Variants in AUTS2 observed in about 807,000 individuals in gnomAD.
The protein encoded by AUTS2 is activator of transcription and developmental regulator AUTS2, also known as autism susceptibility gene 2 protein.
A neutral mutation model predicts 112.4 loss-of-function variants in AUTS2; 17 were observed. That is an observed-to-expected ratio of 0.15 (90% CI 0.10 to 0.23). The LOEUF (loss-of-function observed/expected upper bound fraction) is 0.23, where lower values mean the gene tolerates loss of function less well. Among genes scored for constraint, AUTS2 ranks in the 10% least tolerant of loss-of-function variants. The probability of loss-of-function intolerance (pLI) is 1.00; values close to 1 mark genes in which losing one functional copy is unlikely to be tolerated. For missense variants in AUTS2, 1,510 were observed against 1,701.6 expected, an observed-to-expected ratio of 0.89 and a Z score of 1.98; for synonymous variants, 751 against 702.7, an observed-to-expected ratio of 1.07 and a Z score of -1.09.
At chr7:70,571,505 A>G (rs1787999049) in intron 5 of AUTS2, among the ~76,000 whole-genome samples, 1 of 152,148 alleles carries the variant, frequency 6.6e-6, no homozygotes, top group Non-Finnish European at 1.5e-5. Context: ...TTGATGGGAG[A>G]GAAGGCTGGG....
intron 2 of AUTS2, among the ~76,000 whole-genome samples, chr7:69,908,343 T>A (rs1365633814): frequency 6.6e-6 from 1 of 152,200 alleles, no homozygotes; most frequent in Non-Finnish European, 1.5e-5. Context: ...GTCTTGGTAT[T>A]CTAAATGAAC....
rs75631832 is a variant in AUTS2 at position 70,748,217 on chromosome 7, G to A, written c.743-14653G>A. Among the ~76,000 whole-genome samples, 418 of 152,156 alleles carry A rather than the reference G, an allele frequency of 2.7e-3. 1 individual carries two copies. The highest frequency in any genetic ancestry group is 4.8e-3 in the Non-Finnish European group (329 of 68,006). On this transcript the variant is annotated intron_variant, in intron 6 of 18. Coordinates refer to ENST00000342771, the MANE Select transcript of AUTS2 (RefSeq NM_015570.4). ...GTAGCTTCAAAGTTTATATTTGAAC[G>A]TTTTTCCTTTATTGATGACAAATTA...
intron 6 of AUTS2, among the ~76,000 whole-genome samples, chr7:70,732,392 G>C (rs898809144): frequency 3.3e-5 from 5 of 152,070 alleles, no homozygotes; most frequent in Admixed American, 6.6e-5. Flanking sequence ...AAGGAGATAG[G>C]GATGGACCAG....
intron 1 of AUTS2, among the ~76,000 whole-genome samples, chr7:69,880,469 A>G (rs1377038168): frequency 6.6e-6 from 1 of 152,136 alleles, no homozygotes; most frequent in Non-Finnish European, 1.5e-5. Context: ...AGTGAACACC[A>G]CCATCCTCCT....
At chr7:70,698,285 A>G (rs1291938165) in intron 5 of AUTS2, among the ~76,000 whole-genome samples, 1 of 152,220 alleles carries the variant, frequency 6.6e-6, no homozygotes, top group Non-Finnish European at 1.5e-5. Flanking sequence ...AATGAGCTGA[A>G]TTGCTTTGTG....
chr7:70,565,199 G>T (rs1801658360), intron 5 of AUTS2, among the ~76,000 whole-genome samples: 1 of 152,182 alleles, frequency 6.6e-6, no homozygotes, highest in Non-Finnish European at 1.5e-5. Context: ...TAAGATACAT[G>T]TGCATAAAAT....
intron 5 of AUTS2, among the ~76,000 whole-genome samples, chr7:70,646,251 G>A (rs1806152684): frequency 1.3e-5 from 2 of 152,188 alleles, no homozygotes; most frequent in African/African-American, 4.8e-5. Flanking sequence ...ACTTCCCAGG[G>A]AAAGATTGCA....
At chr7:70,006,959 G>A (rs995299293) in intron 2 of AUTS2, among the ~76,000 whole-genome samples, 1 of 152,102 alleles carries the variant, frequency 6.6e-6, no homozygotes, top group Non-Finnish European at 1.5e-5. Flanking sequence ...TCCAGGATGG[G>A]AGTTGCTCTT....
chr7:70,171,855 T>C (rs1039511439), intron 4 of AUTS2, among the ~76,000 whole-genome samples: 2 of 151,156 alleles, frequency 1.3e-5, no homozygotes, highest in African/African-American at 2.4e-5. Flanking sequence ...CCCAGGAATC[T>C]GGGAAATTGC....
chr7:70,402,937 T>A (rs560631426), intron 4 of AUTS2, among the ~76,000 whole-genome samples: 1 of 152,302 alleles, frequency 6.6e-6, no homozygotes, highest in Non-Finnish European at 1.5e-5. Flanking sequence ...TGTTTTCCTT[T>A]GGCATCCCTA....
intron 4 of AUTS2, among the ~76,000 whole-genome samples, chr7:70,360,768 T>G (rs1163214934): frequency 1.3e-5 from 2 of 152,142 alleles, no homozygotes; most frequent in African/African-American, 4.8e-5. Context: ...GTGCTGCATC[T>G]CCCTGAAGGC....
At chr7:70,422,123 T>C (rs1292483575) in intron 4 of AUTS2, among the ~76,000 whole-genome samples, 1 of 152,238 alleles carries the variant, frequency 6.6e-6, no homozygotes, top group African/African-American at 2.4e-5. Context: ...TTTAGGATCC[T>C]ATGTGACGGT....
intron 4 of AUTS2, among the ~76,000 whole-genome samples, chr7:70,360,634 A>G (rs1285687873): frequency 6.6e-6 from 1 of 152,118 alleles, no homozygotes; most frequent in Non-Finnish European, 1.5e-5. Context: ...ATTTTACATA[A>G]TCTTAAATCT....
intron 5 of AUTS2, among the ~76,000 whole-genome samples, chr7:70,452,525 T>G (rs1160471196): frequency 6.6e-6 from 1 of 152,140 alleles, no homozygotes; most frequent in East Asian, 1.9e-4. Flanking sequence ...TCCACCCTGT[T>G]TCCTCCTGCT....
intron 6 of AUTS2, among the ~76,000 whole-genome samples, chr7:70,744,968 A>G (rs917353325): frequency 6.6e-6 from 1 of 152,024 alleles, no homozygotes; most frequent in Non-Finnish European, 1.5e-5. Flanking sequence ...CTCCAGTTCC[A>G]TTGCAGTGAT....
intron 1 of AUTS2, among the ~76,000 whole-genome samples, chr7:69,878,867 G>A (rs1793917053): frequency 6.6e-6 from 1 of 152,162 alleles, no homozygotes; most frequent in Admixed American, 6.5e-5. Context: ...TCGCTCTTAA[G>A]ATAGGGTGTC....
intron 4 of AUTS2, among the ~76,000 whole-genome samples, chr7:70,142,148 A>G (rs1339737337): frequency 6.6e-6 from 1 of 152,186 alleles, no homozygotes; most frequent in Non-Finnish European, 1.5e-5. Context: ...CAAACTCTTT[A>G]AGGAGATAAG....
At chr7:69,641,076 AG>A (rs1447125179) in intron 1 of AUTS2, among the ~76,000 whole-genome samples, 1 of 152,224 alleles carries the variant, frequency 6.6e-6, no homozygotes, top group Non-Finnish European at 1.5e-5. Flanking sequence ...CTGCCCTGTC[AG>A]GTACTGCAGG....
chr7:70,107,943 G>A (rs1584733208), intron 2 of AUTS2, among the ~76,000 whole-genome samples: 1 of 151,560 alleles, frequency 6.6e-6, no homozygotes, highest in Admixed American at 6.6e-5. Flanking sequence ...CCCAGTAGGC[G>A]GAGCTTGCAG....
Sources: allele counts gnomAD v4.1 joint callset (sites outside exome capture counted in the v4.1 genomes callset), GRCh38; gene constraint gnomAD v4.1.1; transcripts MANE v1.5; gene names NCBI Gene and HGNC (gene_info 2026-07-23, HGNC 2026-07-21).